The following PRDM6 variants were observed in gnomAD, a reference collection of about 807,000 sequenced individuals.
PRDM6 encodes putative histone-lysine N-methyltransferase PRDM6.
PRDM6 carries 25 observed loss-of-function variants against 60.8 expected under a neutral mutation model. The observed-to-expected ratio is 0.41, with a 90% CI of 0.30 to 0.57. The LOEUF (loss-of-function observed/expected upper bound fraction) is 0.57. Ranked by LOEUF, PRDM6 falls within the 20% of genes least tolerant of loss-of-function variation. PRDM6 has a pLI of 0.27. For synonymous variants in PRDM6, 407 were observed against 357.4 expected (o/e 1.14, Z -1.57); for missense variants, 839 against 821.3 (o/e 1.02, Z -0.26).
At chr5:123,111,218 T>A (rs1026935846) in intron 3 of PRDM6, among the ~76,000 whole-genome samples, 3 of 152,188 alleles carry the variant, frequency 2.0e-5, no homozygotes, top group African/African-American at 7.2e-5. Context: ...TTTGCCATAA[T>A]TTAAAAAAAT....
Position 123,170,809 on chromosome 5 carries a change from C to T in PRDM6, c.1197C>T (p.Asp399=), listed in dbSNP as rs118177028. 5.9e-3 allele frequency: 9,148 copies of T among 1,551,910 alleles called. 116 individuals are homozygous for T. The highest frequency in any genetic ancestry group is 0.055 in the East Asian group (2,258 of 40,916). ...STVMEAMCRQ[D]ALQPFNKSSK... ...TAATGGAAGCCATGTGCAGACAAGA[C>T]GCCCTGCAGCCCTTCAACAAAAGCA... Residue 399 remains aspartate (D), a synonymous_variant, in exon 6 of 8, where the codon GAC becomes GAT. Transcript: ENST00000407847.
chr5:123,137,943 G>A (rs1463578848), intron 3 of PRDM6, among the ~76,000 whole-genome samples: 1 of 152,128 alleles, frequency 6.6e-6, no homozygotes, highest in Admixed American at 6.5e-5. Flanking sequence ...TATTAAGTAT[G>A]TGATGGTATG....
chr5:123,104,669 A>G (rs570196707), intron 3 of PRDM6, among the ~76,000 whole-genome samples: 3 of 152,344 alleles, frequency 2.0e-5, no homozygotes, highest in South Asian at 2.1e-4. Flanking sequence ...AAAATAAACC[A>G]TAGTAATGCT....
intron 3 of PRDM6, among the ~76,000 whole-genome samples, chr5:123,116,969 A>G (rs1337852837): frequency 6.6e-6 from 1 of 152,218 alleles, no homozygotes; most frequent in Non-Finnish European, 1.5e-5. Flanking sequence ...TGTTCTCCCT[A>G]ATTTACTTCA....
chr5:123,118,416 G>C (rs1279249354), intron 3 of PRDM6, among the ~76,000 whole-genome samples: 1 of 152,178 alleles, frequency 6.6e-6, no homozygotes, highest in Non-Finnish European at 1.5e-5. Flanking sequence ...GATGCAAATA[G>C]GAAACTACAA....
intron 3 of PRDM6, among the ~76,000 whole-genome samples, chr5:123,135,439 G>A (rs1430671255): frequency 1.3e-5 from 2 of 152,160 alleles, no homozygotes; most frequent in African/African-American, 4.8e-5. Flanking sequence ...AAGAGTGAAT[G>A]CAGACATTTC....
chr5:123,111,462 G>T (rs1242701651), intron 3 of PRDM6, among the ~76,000 whole-genome samples: 1 of 152,210 alleles, frequency 6.6e-6, no homozygotes, highest in Admixed American at 6.5e-5. Flanking sequence ...ACTTTGGGAG[G>T]CCGAGGCGGG....
At chr5:123,157,950 A>G (rs1329453027) in intron 4 of PRDM6, among the ~76,000 whole-genome samples, 1 of 152,260 alleles carries the variant, frequency 6.6e-6, no homozygotes, top group African/African-American at 2.4e-5. Flanking sequence ...AATACATGTC[A>G]GCAAAGGAAA....
chr5:123,134,495 G>A (rs1476267351), intron 3 of PRDM6, among the ~76,000 whole-genome samples: 1 of 152,126 alleles, frequency 6.6e-6, no homozygotes, highest in Admixed American at 6.6e-5. Context: ...TAAGAAGATA[G>A]ATTTGGATGT....
chr5:123,101,769 G>T (rs1266840299), intron 3 of PRDM6, among the ~76,000 whole-genome samples: 1 of 152,192 alleles, frequency 6.6e-6, no homozygotes, highest in Non-Finnish European at 1.5e-5. Context: ...TGGGATGTTG[G>T]CAGGAGGCCA....
At position 123,136,287 on chromosome 5, in the gene PRDM6, T is replaced by G. The variant is rs562623923; in HGVS notation, c.901-19597T>G. 2.6e-5 allele frequency among the ~76,000 whole-genome samples: 4 copies of G among 152,326 alleles called. No individual in the cohort carries two copies. The South Asian group carries it at 8.3e-4, about 32-fold the overall frequency. ...AATTTGAATATATTCTTTGGCATGT[T>G]ACATGGTGACCCACCACTTCTATTT... is the stretch of plus-strand genomic sequence containing the variant. On this transcript the variant is annotated intron_variant, in intron 3 of 7. Transcript: ENST00000407847.
At chr5:123,177,330 C>G (rs6862182) in intron 6 of PRDM6, among the ~76,000 whole-genome samples, 18,157 of 152,208 alleles carry the variant, frequency 0.12, 1,361 homozygotes, top group African/African-American at 0.21. Context: ...GGCTAACTTT[C>G]TATAAATTTC....
At chr5:123,090,655 G>A (rs1763815672) in intron 2 of PRDM6, 49 bp downstream of exon 2, 1 of 1,425,834 alleles carries the variant, frequency 7.0e-7, no homozygotes, top group Non-Finnish European at 9.3e-7. Flanking sequence ...CGGCGCCGGC[G>A]CCGGCGGGCG....
intron 5 of PRDM6, among the ~76,000 whole-genome samples, chr5:123,164,206 G>A (rs1316687226): frequency 2.0e-5 from 3 of 152,218 alleles, no homozygotes; most frequent in Admixed American, 6.5e-5. Flanking sequence ...CAGATGCTGT[G>A]TGAGGTGGCC....
chr5:123,182,866 G>A (rs1766194970), intron 7 of PRDM6, among the ~76,000 whole-genome samples: 1 of 152,052 alleles, frequency 6.6e-6, no homozygotes, highest in African/African-American at 2.4e-5. Context: ...GGAGAGCTGA[G>A]TGTATGCTTA....
At chr5:123,096,420 A>G (rs1017922087) in intron 2 of PRDM6, among the ~76,000 whole-genome samples, 6 of 152,192 alleles carry the variant, frequency 3.9e-5, no homozygotes, top group Non-Finnish European at 7.3e-5. Flanking sequence ...TGTCAATCCC[A>G]AGAAATGTTA....
intron 3 of PRDM6, among the ~76,000 whole-genome samples, chr5:123,103,224 A>G (rs1317282135): frequency 3.3e-5 from 5 of 152,002 alleles, no homozygotes; most frequent in African/African-American, 4.8e-5. Context: ...CAATAAGCCA[A>G]GGTAATTTTT....
rs1480762583 is a variant in PRDM6 at position 123,193,701 on chromosome 5, A to G, written c.*6500A>G. The G allele has an allele frequency of 1.3e-5, 2 of 152,212 alleles. No homozygotes were observed. Among genetic ancestry groups the G allele is most frequent in the African/African-American group, 4.8e-5 (2 of 41,450 alleles). The allele number at this position is 152,212 out of a possible 1,614,324, so 9.4% of individuals were successfully genotyped here. A position where few individuals can be genotyped will look rare whatever the true frequency, so the allele number is the denominator to read the frequency against. On this transcript the variant is annotated 3_prime_UTR_variant, in exon 8 of 8. Coordinates refer to ENST00000407847, the MANE Select transcript of PRDM6 (RefSeq NM_001136239.4). ...TTTGGAAACTTAATGTCCCAAGTTA[A>G]TTATTTTTTTTATATCAAGGGGAAG...
rs1766446889 is a variant in PRDM6, at chr5:123,192,200, C to CATATAT, written c.*4999_*5000insATATAT. On this transcript the variant is annotated 3_prime_UTR_variant, in exon 8 of 8. Coordinates refer to ENST00000407847, the MANE Select transcript of PRDM6 (RefSeq NM_001136239.4). ...ATTATATTGTGCAATTACTGCCATG[C>CATATAT]CTTGTTCTAATGCTTAATGTGGATT... 1.3e-5 allele frequency: 2 copies of CATATAT among 152,146 alleles called. No homozygotes were observed. The highest frequency in any genetic ancestry group is 6.6e-5 in the Admixed American group (1 of 15,262). The allele number at this position is 152,146 out of a possible 1,614,324, so 9.4% of individuals were successfully genotyped here.
Sources: gnomAD v4.1 joint callset for allele counts (sites outside exome capture counted in the v4.1 genomes callset) on GRCh38, gnomAD v4.1.1 for gene constraint, MANE v1.5 for transcripts, NCBI Gene and HGNC (gene_info 2026-07-23, HGNC 2026-07-21) for gene names.